The following ABCC1 variants were observed in gnomAD, a reference collection of about 807,000 sequenced individuals.
ABCC1 encodes multidrug resistance-associated protein 1.
A neutral mutation model predicts 172.9 loss-of-function variants in ABCC1; 83 were observed. The observed-to-expected ratio is 0.48, with a 90% CI of 0.40 to 0.58. ABCC1 has a LOEUF of 0.58. Ranked by LOEUF, ABCC1 falls within the 20% of genes least tolerant of loss-of-function variation. The pLI, the probability that ABCC1 is intolerant of heterozygous loss-of-function variation, is 0.00. For missense variants in ABCC1, 1,817 were observed against 2,002.7 expected, an observed-to-expected ratio of 0.91 and a Z score of 1.77; for synonymous variants, 937 against 825.2, an observed-to-expected ratio of 1.14 and a Z score of -2.32.
At chr16:15,997,805 C>T (rs1270283790) in intron 1 of ABCC1, among the ~76,000 whole-genome samples, 3 of 116,822 alleles carry the variant, frequency 2.6e-5, no homozygotes, top group African/African-American at 3.3e-5. Flanking sequence ...GCCTCGATAC[C>T]TTTTTTTTTT....
intron 1 of ABCC1, among the ~76,000 whole-genome samples, chr16:15,972,547 C>T (rs1019569433): frequency 1.4e-4 from 22 of 152,188 alleles, no homozygotes; most frequent in Admixed American, 7.9e-4. Context: ...AGGGATTGCA[C>T]CAGCCTCATG....
At chr16:15,971,998 TAAATA>T (rs981013115) in intron 1 of ABCC1, among the ~76,000 whole-genome samples, 2 of 152,182 alleles carry the variant, frequency 1.3e-5, no homozygotes, top group Admixed American at 1.3e-4. Flanking sequence ...GTTGATTTTA[TAAATA>T]AAATAACATG....
rs373033924 is a variant in ABCC1 at position 16,138,356 on chromosome 16, C to T, written c.4293-8C>T. On this transcript the variant is annotated splice_polypyrimidine_tract_variant and splice_region_variant and intron_variant, in intron 29 of 30. Coordinates refer to ENST00000399410, the MANE Select transcript of ABCC1 (RefSeq NM_004996.4). ...ACACTATCTCCTGGTTTTTTTCTTC[C>T]GGTCAAGTGTCGGGCAGCGCCAGCT... The T allele has an allele frequency of 3.1e-5, 49 of 1,566,908 alleles. No individual in the cohort carries two copies. Among genetic ancestry groups the T allele is most frequent in the East Asian group, 1.8e-4 (8 of 43,706 alleles).
chr16:16,030,568 C>A (rs1475458425), intron 5 of ABCC1, among the ~76,000 whole-genome samples: 4 of 151,988 alleles, frequency 2.6e-5, no homozygotes, highest in African/African-American at 9.7e-5. Flanking sequence ...ATGTTTCAGC[C>A]TGTTGTACTT....
intron 1 of ABCC1, among the ~76,000 whole-genome samples, chr16:15,991,453 C>T (rs1469320044): frequency 1.3e-5 from 2 of 152,242 alleles, no homozygotes; most frequent in African/African-American, 2.4e-5. Context: ...GTAGCCCCAG[C>T]GAGCTCAGGG....
At chr16:16,048,067 T>C (rs944816321) in intron 9 of ABCC1, 75 bp from the exon 10 acceptor site, 1 of 1,534,978 alleles carries the variant, frequency 6.5e-7, no homozygotes, top group Admixed American at 1.7e-5. Flanking sequence ...CTCCTTCCTC[T>C]CCGTGGGTCT....
At chr16:16,066,818 G>A (rs760939674) in intron 12 of ABCC1, among the ~76,000 whole-genome samples, 2 of 151,100 alleles carry the variant, frequency 1.3e-5, no homozygotes, top group Non-Finnish European at 2.9e-5. Context: ...CATGAGAATC[G>A]TTTGACCTTG....
chr16:16,004,052 T>A (rs954157644), intron 1 of ABCC1, among the ~76,000 whole-genome samples: 2 of 151,888 alleles, frequency 1.3e-5, no homozygotes, highest in African/African-American at 4.8e-5. Flanking sequence ...GGGTTCATGG[T>A]TGGGTGATAA....
At chr16:16,098,616 C>CACAA (rs764718898) in intron 19 of ABCC1, among the ~76,000 whole-genome samples, 6 of 152,178 alleles carry the variant, frequency 3.9e-5, no homozygotes, top group Non-Finnish European at 8.8e-5. Flanking sequence ...GAAACTCTGT[C>CACAA]ACAAACAAAC....
intron 27 of ABCC1, among the ~76,000 whole-genome samples, chr16:16,133,638 C>T (rs532928998): frequency 3.3e-4 from 50 of 152,208 alleles, no homozygotes; most frequent in South Asian, 1.0e-3. Context: ...TCCTGACCTT[C>T]TCTGATCCAC....
intron 21 of ABCC1, among the ~76,000 whole-genome samples, chr16:16,110,806 C>T (rs1033253848): frequency 6.6e-6 from 1 of 152,194 alleles, no homozygotes; most frequent in African/African-American, 2.4e-5. Context: ...CCGTTTACAG[C>T]CCTTCTCTGT....
chr16:16,052,507 G>A (rs1202116786), intron 10 of ABCC1, among the ~76,000 whole-genome samples: 4 of 152,138 alleles, frequency 2.6e-5, no homozygotes, highest in Non-Finnish European at 2.9e-5. Context: ...AGAAAGGAGC[G>A]TGGACCTGCT....
intron 19 of ABCC1, among the ~76,000 whole-genome samples, chr16:16,099,735 C>G (rs1596496556): frequency 6.6e-6 from 1 of 152,136 alleles, no homozygotes; most frequent in African/African-American, 2.4e-5. Context: ...TCTGAGGCAC[C>G]CTGATTGACA....
Position 16,115,076 on chromosome 16 carries a change from G to C in ABCC1, c.3390G>C (p.Gln1130His). ...PPLGLIYFFV[Q>H]RFYVASSRQL... ...TTGGCCTCATCTACTTCTTCGTCCA[G>C]GTAAGGGGTGAGGTCTTAGTGTTCG... is the stretch of plus-strand genomic sequence containing the variant. Residue 1130 changes from glutamine (Q) to histidine (H), a missense_variant and splice_region_variant, in exon 23 of 31, where the codon CAG becomes CAC. Gln to His is a conservative substitution (Grantham distance 24). Coordinates refer to ENST00000399410, the MANE Select transcript of ABCC1 (RefSeq NM_004996.4). 6.2e-7 allele frequency: 1 copy of C among 1,613,194 alleles called. No homozygotes were observed. Among genetic ancestry groups the C allele is most frequent in the South Asian group, 1.1e-5 (1 of 91,050 alleles).
chr16:15,995,816 C>T (rs1038867041), intron 1 of ABCC1, among the ~76,000 whole-genome samples: 7 of 151,476 alleles, frequency 4.6e-5, no homozygotes, highest in African/African-American at 1.7e-4. Context: ...TAAAGGCAAA[C>T]GTCATCACAT....
intron 1 of ABCC1, among the ~76,000 whole-genome samples, chr16:15,991,228 T>C (rs927142790): frequency 2.6e-5 from 4 of 151,914 alleles, no homozygotes; most frequent in African/African-American, 9.7e-5. Flanking sequence ...TTTGGGTGTC[T>C]CAGGGTCTAG....
chr16:16,052,654 C>T (rs567404868), intron 10 of ABCC1, 70 bp from the exon 11 acceptor site: 19 of 1,488,026 alleles, frequency 1.3e-5, no homozygotes, highest in African/African-American at 5.5e-5. Flanking sequence ...ATGGATCAAC[C>T]GGGGAAGCTG....
Position 16,086,916 on chromosome 16 carries a change from C to T in ABCC1, c.2385C>T (p.Leu795=), listed in dbSNP as rs1344404020. The T allele has an allele frequency of 1.2e-6, 2 of 1,614,214 alleles. No individual in the cohort carries two copies. Among genetic ancestry groups the T allele is most frequent in the Admixed American group, 1.7e-5 (1 of 60,000 alleles). Residue 795 remains leucine (L), a synonymous_variant, in exon 18 of 31, where the codon CTC becomes CTT. Transcript: ENST00000399410. ...ACATTTACCTCTTCGATGATCCCCT[C>T]TCAGCAGTGGATGCCCATGTGGGAA... is the stretch of plus-strand genomic sequence containing the variant. ...NADIYLFDDP[L]SAVDAHVGKH... is the part of the protein sequence containing the mutation.
intron 1 of ABCC1, among the ~76,000 whole-genome samples, chr16:15,992,012 C>T (rs1287781723): frequency 6.6e-6 from 1 of 152,132 alleles, no homozygotes; most frequent in Non-Finnish European, 1.5e-5. Context: ...TCTGTATTTA[C>T]AGCCGCTCCC....
Sources: gnomAD v4.1 joint callset for allele counts (sites outside exome capture counted in the v4.1 genomes callset) on GRCh38, gnomAD v4.1.1 for gene constraint, MANE v1.5 for transcripts, NCBI Gene and HGNC (gene_info 2026-07-23, HGNC 2026-07-21) for gene names.